POMK: variants seen among roughly 807,000 people sequenced by gnomAD.
POMK encodes the protein protein O-mannose kinase.
In POMK, 19 loss-of-function variants were observed where a neutral mutation model predicts 23.0. That is an observed-to-expected ratio of 0.83 (90% CI 0.58 to 1.21). The LOEUF (loss-of-function observed/expected upper bound fraction) is 1.21, where lower values mean the gene tolerates loss of function less well. Ranked by LOEUF, POMK falls within the 50% of genes most tolerant of loss-of-function variation. The pLI, the probability that POMK is intolerant of heterozygous loss-of-function variation, is 0.00. For synonymous variants in POMK, 173 were observed against 171.6 expected (o/e 1.01, Z -0.06); for missense variants, 410 against 431.3 (o/e 0.95, Z 0.44).
At chr8:43,121,858 C>T (rs1811922831) in intron 4 of POMK, among the ~76,000 whole-genome samples, 1 of 152,252 alleles carries the variant, frequency 6.6e-6, no homozygotes, top group Admixed American at 6.5e-5. Context: ...TCTCAGTGTC[C>T]TGCCCAGAGG....
intron 4 of POMK, among the ~76,000 whole-genome samples, chr8:43,118,424 T>C (rs1811845912): frequency 2.0e-5 from 3 of 152,194 alleles, no homozygotes; most frequent in Admixed American, 2.0e-4. Flanking sequence ...GTTACCAGGT[T>C]TCCTTTGGGT....
intron 4 of POMK, among the ~76,000 whole-genome samples, chr8:43,108,743 A>G (rs1234383011): frequency 6.6e-6 from 1 of 152,210 alleles, no homozygotes; most frequent in African/African-American, 2.4e-5. Flanking sequence ...TCAAGAGCAC[A>G]TATCAAAGTT....
chr8:43,111,410 A>G (rs1259292357), intron 4 of POMK, among the ~76,000 whole-genome samples: 1 of 152,218 alleles, frequency 6.6e-6, no homozygotes, highest in Non-Finnish European at 1.5e-5. Context: ...GAGTAGGTAA[A>G]CAAAGCAGCT....
rs563599638 is a variant in POMK at position 43,122,365 on chromosome 8, C to T, written c.541C>T (p.Leu181=). 1.8e-4 allele frequency: 295 copies of T among 1,614,230 alleles called. 2 individuals carry two copies. In the South Asian group the frequency reaches 3.1e-3, roughly 17 times the overall value. The change falls in exon 5 of 5, where the codon CTG becomes TTG. Residue 181 remains leucine (L), a synonymous_variant. Coordinates refer to ENST00000331373, the MANE Select transcript of POMK (RefSeq NM_032237.5). The part of the protein sequence containing the change: ...NVNTWQHRLE[L]AMDYVSIINY... ...GAACACGTGGCAGCACAGGCTGGAG[C>T]TGGCCATGGACTATGTCAGCATCAT...
At chr8:43,113,465 C>T (rs1043131640) in intron 4 of POMK, among the ~76,000 whole-genome samples, 7 of 152,298 alleles carry the variant, frequency 4.6e-5, no homozygotes, top group East Asian at 1.9e-4. Context: ...GCTCCATCAG[C>T]TCCTTTAAGC....
intron 2 of POMK, among the ~76,000 whole-genome samples, chr8:43,098,836 G>T (rs774108752): frequency 2.6e-5 from 4 of 152,160 alleles, no homozygotes; most frequent in African/African-American, 4.8e-5. Flanking sequence ...TCTGATCTGC[G>T]TTTGCCTTGA....
intron 2 of POMK, among the ~76,000 whole-genome samples, chr8:43,101,889 T>C (rs1416066916): frequency 1.3e-5 from 2 of 152,204 alleles, no homozygotes; most frequent in Non-Finnish European, 1.5e-5. Context: ...TGTGGTTTCA[T>C]TGACGTCTTG....
chr8:43,122,034 A>C (rs1171747950), intron 4 of POMK, 73 bp from the exon 5 acceptor site: 2 of 1,430,376 alleles, frequency 1.4e-6, no homozygotes, highest in East Asian at 4.6e-5. Flanking sequence ...GCCACTTAAA[A>C]GATATTTGTT....
chr8:43,110,642 GCGTGGTGGCTCA>G lies in POMK; in HGVS notation c.282+6815_282+6826del, dbSNP rs1308166622. 3.3e-5 allele frequency among the ~76,000 whole-genome samples: 5 copies of G among 152,246 alleles called. No individual in the cohort carries two copies. The East Asian group carries it at 7.7e-4, about 24-fold the overall frequency. On this transcript the variant is annotated intron_variant, in intron 4 of 4. Coordinates refer to ENST00000331373, the MANE Select transcript of POMK (RefSeq NM_032237.5). ...TTCTTATATAAAATTTCTTGGCTGG[GCGTGGTGGCTCA>G]CGCCTATAATCCCAGCACTTTGGGA...
intron 4 of POMK, among the ~76,000 whole-genome samples, chr8:43,107,342 T>G (rs1224871261): frequency 6.6e-6 from 1 of 152,252 alleles, no homozygotes; most frequent in African/African-American, 2.4e-5. Context: ...AATTTTATTA[T>G]GCTTGGCCTG....
chr8:43,106,774 C>T (rs998295964), intron 4 of POMK, among the ~76,000 whole-genome samples: 5 of 152,198 alleles, frequency 3.3e-5, no homozygotes, highest in Admixed American at 1.3e-4. Flanking sequence ...GCTGGGATTA[C>T]AGGCATGAGC....
rs548565644 is a variant in POMK at position 43,113,130 on chromosome 8, T to C, written c.283-8977T>C. On this transcript the variant is annotated intron_variant, in intron 4 of 4. Transcript: ENST00000331373. ...CGAGGAGTATCTTTGTGGCATTTTC[T>C]GTATTTCCTGAATCTGAAAGTTGGC... Among the ~76,000 whole-genome samples, 7 of 152,344 alleles carry C rather than the reference T, an allele frequency of 4.6e-5. No homozygotes were observed. In the South Asian group the frequency reaches 1.4e-3, roughly 32 times the overall value.
chr8:43,119,453 T>C (rs1811866290), intron 4 of POMK, among the ~76,000 whole-genome samples: 1 of 149,088 alleles, frequency 6.7e-6, no homozygotes, highest in Non-Finnish European at 1.5e-5. Flanking sequence ...TTTTTTTTTT[T>C]TTTTGAGACG....
At position 43,105,232 on chromosome 8, in the gene POMK, A is replaced by G. The variant is rs1358711350; in HGVS notation, c.282+1402A>G. ...CTGGCTATTTGAGAGTGTATAATAT[A>G]TTGTTAATTATAGTCATCCTATGGT... On this transcript the variant is annotated intron_variant, in intron 4 of 4. Transcript: ENST00000331373. Among the ~76,000 whole-genome samples, 3 of 152,286 alleles carry G rather than the reference A, an allele frequency of 2.0e-5. No individual in the cohort carries two copies. In the East Asian group the frequency reaches 5.8e-4, roughly 29 times the overall value.
chr8:43,120,285 C>G (rs1811886564), intron 4 of POMK, among the ~76,000 whole-genome samples: 2 of 151,152 alleles, frequency 1.3e-5, no homozygotes, highest in Non-Finnish European at 2.9e-5. Context: ...GATCTTGGCT[C>G]TCTGCAACCT....
At chr8:43,106,837 C>G (rs1157322726) in intron 4 of POMK, among the ~76,000 whole-genome samples, 1 of 152,124 alleles carries the variant, frequency 6.6e-6, no homozygotes. Context: ...CAATCCCTCC[C>G]TTTGGGGTTT....
chr8:43,122,931 A>G lies in POMK; in HGVS notation c.*54A>G, dbSNP rs969172366. On this transcript the variant is annotated 3_prime_UTR_variant, in exon 5 of 5. Transcript: ENST00000331373. ...TGAAGGGCTGAATGGAAGTTACAGC[A>G]TTCTACTCTGATGGTGGAGTTTTTT... is the stretch of plus-strand genomic sequence containing the variant. 1.4e-6 allele frequency: 2 copies of G among 1,466,940 alleles called. No individual in the cohort carries two copies. Among genetic ancestry groups the G allele is most frequent in the Admixed American group, 4.2e-5 (2 of 47,872 alleles). 90.9% of individuals were successfully genotyped at this position (1,466,940 alleles called of 1,614,324 possible).
intron 4 of POMK, among the ~76,000 whole-genome samples, chr8:43,118,890 G>A (rs1811854481): frequency 6.6e-6 from 1 of 152,062 alleles, no homozygotes; most frequent in South Asian, 2.1e-4. Context: ...TGCAAGCTCC[G>A]CCTCCACGGT....
chr8:43,094,006 G>A (rs1274555973), intron 1 of POMK, among the ~76,000 whole-genome samples: 1 of 152,244 alleles, frequency 6.6e-6, no homozygotes, highest in Non-Finnish European at 1.5e-5. Context: ...AACCCGGCGG[G>A]GGCGGAGGTT....
Sources: allele counts gnomAD v4.1 joint callset (sites outside exome capture counted in the v4.1 genomes callset), GRCh38; gene constraint gnomAD v4.1.1; transcripts MANE v1.5; gene names NCBI Gene and HGNC (gene_info 2026-07-23, HGNC 2026-07-21).